The following WWC2 variants were observed in gnomAD, a reference collection of about 807,000 sequenced individuals.
The protein encoded by WWC2 is protein WWC2.
In WWC2, 101 loss-of-function variants were observed where a neutral mutation model predicts 138.5. The ratio of observed to expected loss-of-function variants is 0.73; its 90% CI spans 0.62 to 0.86. WWC2 has a LOEUF of 0.86. Among genes scored for constraint, WWC2 ranks in the 40% least tolerant of loss-of-function variants. The probability of loss-of-function intolerance (pLI) is 0.00; values close to 1 mark genes in which losing one functional copy is unlikely to be tolerated. For missense variants in WWC2, 1,420 were observed against 1,419.4 expected (o/e 1.00, Z -0.01); for synonymous variants, 558 against 538.4 (o/e 1.04, Z -0.50).
chr4:183,249,778 G>A, intron 7 of WWC2, 142 bp from the exon 8 acceptor site: 2 of 623,062 alleles, frequency 3.2e-6, no homozygotes, highest in African/African-American at 1.9e-5. Flanking sequence ...AATAAAATAA[G>A]TGTCTTTTAA....
At chr4:183,155,217 A>AGT (rs1733767198) in intron 1 of WWC2, among the ~76,000 whole-genome samples, 1 of 130,578 alleles carries the variant, frequency 7.7e-6, no homozygotes, top group Non-Finnish European at 1.7e-5. Flanking sequence ...AGAGAGAGAG[A>AGT]GAGAGAGTTA....
chr4:183,171,456 T>C (rs1734276302), intron 1 of WWC2, among the ~76,000 whole-genome samples: 1 of 152,338 alleles, frequency 6.6e-6, no homozygotes, highest in African/African-American at 2.4e-5. Flanking sequence ...TTTGGAGTAC[T>C]GAAAAATATA....
intron 21 of WWC2, among the ~76,000 whole-genome samples, chr4:183,301,242 T>A (rs1738831197): frequency 6.8e-6 from 1 of 146,372 alleles, no homozygotes; most frequent in African/African-American, 2.8e-5. Context: ...TAATGAAAAA[T>A]TATCCATTTA....
rs943445966 is a variant in WWC2 at position 183,319,375 on chromosome 4, G to C, written c.*3646G>C. ...TACTATTCAGTCTTGATTGATTTTGGTCTCAGACTAGAAGATAAAAATGGT... is the reference window on the plus strand; with the variant it reads ...TACTATTCAGTCTTGATTGATTTTGCTCTCAGACTAGAAGATAAAAATGGT... On this transcript the variant is annotated 3_prime_UTR_variant, in exon 23 of 23. Coordinates refer to ENST00000403733, the MANE Select transcript of WWC2 (RefSeq NM_024949.6). 6.0e-6 allele frequency: 4 copies of C among 665,124 alleles called. 1 individual carries two copies. The Admixed American group carries it at 8.4e-5, about 14-fold the overall frequency. 41.2% of individuals were successfully genotyped at this position (665,124 alleles called of 1,614,324 possible). A position where few individuals can be genotyped will look rare whatever the true frequency, so the allele number is the denominator to read the frequency against.
chr4:183,284,290 G>T lies in WWC2; in HGVS notation c.2948G>T (p.Arg983Leu), dbSNP rs748036038. Residue 983 changes from arginine (R) to leucine (L), a missense_variant, in exon 19 of 23, where the codon CGC becomes CTC. By Grantham distance (102) the Arg-to-Leu change is moderately radical (BLOSUM62 -2). Transcript: ENST00000403733. ...AATATGGCAGTTCGCCCCAAAGAGCGCAGCAGCCTGAGCTCTAGACAGCAT... is the reference window on the plus strand; with the variant it reads ...AATATGGCAGTTCGCCCCAAAGAGCTCAGCAGCCTGAGCTCTAGACAGCAT... Reference protein sequence around the residue: ...NDNMAVRPKERSSLSSRQHPF... With the variant: ...NDNMAVRPKELSSLSSRQHPF... 8 of 1,613,872 alleles carry T rather than the reference G, an allele frequency of 5.0e-6. No individual in the cohort carries two copies. Among genetic ancestry groups the T allele is most frequent in the Admixed American group, 1.7e-5 (1 of 60,006 alleles).
intron 1 of WWC2, among the ~76,000 whole-genome samples, chr4:183,153,669 A>G (rs1348419543): frequency 7.2e-6 from 1 of 139,432 alleles, no homozygotes; most frequent in African/African-American, 2.8e-5. Context: ...TTTTGGTAAG[A>G]CATGGTTTTT....
intron 16 of WWC2, among the ~76,000 whole-genome samples, chr4:183,272,887 A>G (rs1737734237): frequency 1.3e-5 from 2 of 152,328 alleles, no homozygotes; most frequent in South Asian, 2.1e-4. Context: ...CTTTTTGGCT[A>G]TTATGAAAAA....
intron 1 of WWC2, among the ~76,000 whole-genome samples, chr4:183,105,485 A>C (rs1366709844): frequency 6.6e-6 from 1 of 152,254 alleles, no homozygotes; most frequent in Non-Finnish European, 1.5e-5. Flanking sequence ...AATTAGCAGG[A>C]AACAGTGTTA....
At chr4:183,260,826 G>T in intron 10 of WWC2, 84 bp from the exon 11 acceptor site, 1 of 1,506,284 alleles carries the variant, frequency 6.6e-7, no homozygotes, top group East Asian at 2.3e-5. Context: ...TCTTCCCTCT[G>T]CAGATCTGAA....
At chr4:183,281,707 C>T (rs1291277888) in intron 17 of WWC2, among the ~76,000 whole-genome samples, 2 of 152,048 alleles carry the variant, frequency 1.3e-5, no homozygotes, top group Non-Finnish European at 2.9e-5. Context: ...GAAGGAAGAG[C>T]TTCTACTGTG....
chr4:183,251,141 A>G (rs1736966042), intron 8 of WWC2, among the ~76,000 whole-genome samples: 1 of 152,158 alleles, frequency 6.6e-6, no homozygotes, highest in African/African-American at 2.4e-5. Flanking sequence ...GAGATTCTAA[A>G]TTTCTTCAGG....
chr4:183,309,017 A>T (rs1739116870), intron 21 of WWC2, among the ~76,000 whole-genome samples: 1 of 152,212 alleles, frequency 6.6e-6, no homozygotes, highest in Admixed American at 6.5e-5. Context: ...GAAGAACTGG[A>T]CATTTATTCA....
intron 10 of WWC2, 126 bp from the exon 11 acceptor site, chr4:183,260,784 C>T: frequency 7.7e-7 from 1 of 1,293,308 alleles, no homozygotes; most frequent in Non-Finnish European, 1.0e-6. Context: ...GTTCCTCTGT[C>T]CCTGGCCATT....
rs1409417673 is a variant in WWC2 at position 183,319,040 on chromosome 4, T to C, written c.*3311T>C. 1.3e-5 allele frequency: 2 copies of C among 153,450 alleles called. No homozygotes were observed. Among genetic ancestry groups the C allele is most frequent in the African/African-American group, 2.4e-5 (1 of 41,472 alleles). The allele number at this position is 153,450 out of a possible 1,614,324, so 9.5% of individuals were successfully genotyped here. A position where few individuals can be genotyped will look rare whatever the true frequency, so the allele number is the denominator to read the frequency against. On this transcript the variant is annotated 3_prime_UTR_variant, in exon 23 of 23. Coordinates refer to ENST00000403733, the MANE Select transcript of WWC2 (RefSeq NM_024949.6). ...TGGCTGCCTTTTGAAAAAGGTTCCA[T>C]AGAGACACTGAGGTCTCTGATTCAG...
At chr4:183,121,088 C>T (rs920270677) in intron 1 of WWC2, among the ~76,000 whole-genome samples, 16 of 152,136 alleles carry the variant, frequency 1.1e-4, no homozygotes, top group African/African-American at 2.2e-4. Flanking sequence ...CATGGCGGTG[C>T]GCACCTGTAG....
chr4:183,284,793 T>C (rs1258747105), intron 19 of WWC2, among the ~76,000 whole-genome samples: 1 of 152,224 alleles, frequency 6.6e-6, no homozygotes, highest in Non-Finnish European at 1.5e-5. Flanking sequence ...AACTGTGAAT[T>C]GCATTTTAGA....
intron 4 of WWC2, among the ~76,000 whole-genome samples, chr4:183,211,121 A>T (rs564824498): frequency 6.6e-6 from 1 of 152,308 alleles, no homozygotes; most frequent in South Asian, 2.1e-4. Context: ...TAATTTTCAA[A>T]CAATTGGAGA....
At chr4:183,240,026 A>C (rs1192327919) in intron 4 of WWC2, among the ~76,000 whole-genome samples, 157 bp from the exon 5 acceptor site, 4 of 152,240 alleles carry the variant, frequency 2.6e-5, no homozygotes, top group Admixed American at 6.5e-5. Flanking sequence ...TATGCCTTCC[A>C]CAGAATTTAT....
chr4:183,149,670 C>CT (rs554589228), intron 1 of WWC2, among the ~76,000 whole-genome samples: 3,818 of 132,238 alleles, frequency 0.029, 137 homozygotes, highest in African/African-American at 0.085. Flanking sequence ...TAGCTTCTCT[C>CT]TTTTTTTTTT....
Sources: allele counts gnomAD v4.1 joint callset (sites outside exome capture counted in the v4.1 genomes callset), GRCh38; gene constraint gnomAD v4.1.1; transcripts MANE v1.5; gene names NCBI Gene and HGNC (gene_info 2026-07-23, HGNC 2026-07-21).